Variants in DPF3 observed in about 807,000 individuals in gnomAD.
DPF3 encodes the protein double PHD fingers 3.
Under a neutral mutation model 56.8 loss-of-function variants are expected in DPF3, and 18 were observed. That is an observed-to-expected ratio of 0.32 (90% CI 0.22 to 0.47). The LOEUF (loss-of-function observed/expected upper bound fraction) is 0.47, where lower values mean the gene tolerates loss of function less well. Ranked by LOEUF, DPF3 falls within the 20% of genes least tolerant of loss-of-function variation. DPF3 has a pLI of 1.00. For synonymous variants in DPF3, 188 were observed against 180.2 expected (o/e 1.04, Z -0.35); for missense variants, 403 against 488.8 (o/e 0.82, Z 1.65).
Position 72,838,989 on chromosome 14 carries a change from C to T in DPF3, c.32+55068G>A, listed in dbSNP as rs539091436. On this transcript the variant is annotated intron_variant, in intron 1 of 10. Coordinates refer to ENST00000556509, the MANE Select transcript of DPF3 (RefSeq NM_001280542.3). ...AGGCTGGAGTTCAGTGGCATGATCT[C>T]GGCTCACTGCAAACTCTGCCTCCCG... Among the ~76,000 whole-genome samples the T allele has an allele frequency of 4.8e-4, 65 of 134,044 alleles. 1 individual carries two copies. The South Asian group carries it at 9.0e-3, about 18-fold the overall frequency. 87.9% of individuals were successfully genotyped at this position (134,044 alleles called of 152,430 possible). A position where few individuals can be genotyped will look rare whatever the true frequency, so the allele number is the denominator to read the frequency against.
intron 7 of DPF3, among the ~76,000 whole-genome samples, chr14:72,680,619 G>A (rs577079265): frequency 6.6e-6 from 1 of 152,394 alleles, no homozygotes; most frequent in Non-Finnish European, 1.5e-5. Flanking sequence ...GCTGAGGCCA[G>A]GGCTGCTGTC....
intron 1 of DPF3, among the ~76,000 whole-genome samples, chr14:72,824,718 C>G (rs1006264732): frequency 4.0e-5 from 6 of 151,898 alleles, no homozygotes; most frequent in Non-Finnish European, 8.8e-5. Flanking sequence ...ATTACAGGCA[C>G]CTGCCATCAC....
chr14:72,643,301 C>T (rs1374668219), intron 8 of DPF3, among the ~76,000 whole-genome samples: 2 of 152,228 alleles, frequency 1.3e-5, no homozygotes, highest in Non-Finnish European at 2.9e-5. Context: ...TCCATTTGCA[C>T]CACATAAGGG....
intron 1 of DPF3, among the ~76,000 whole-genome samples, chr14:72,791,893 A>C (rs1182763752): frequency 6.6e-6 from 1 of 152,144 alleles, no homozygotes; most frequent in Non-Finnish European, 1.5e-5. Flanking sequence ...AGGCCCACAG[A>C]CTCGAACCTA....
chr14:72,863,723 G>A (rs1338226207), intron 1 of DPF3, among the ~76,000 whole-genome samples: 1 of 152,138 alleles, frequency 6.6e-6, no homozygotes, highest in African/African-American at 2.4e-5. Context: ...GATAGCTAAG[G>A]CTCAATTCCT....
At chr14:72,854,786 A>G (rs923735484) in intron 1 of DPF3, among the ~76,000 whole-genome samples, 3 of 152,154 alleles carry the variant, frequency 2.0e-5, no homozygotes, top group African/African-American at 7.2e-5. Context: ...TCTAACAGTC[A>G]CAGAAGTTCT....
chr14:72,767,033 GC>G (rs1891316112), intron 2 of DPF3, among the ~76,000 whole-genome samples: 1 of 152,182 alleles, frequency 6.6e-6, no homozygotes, highest in South Asian at 2.1e-4. Context: ...CTAGTGGGGA[GC>G]CTGAACTCCC....
At chr14:72,764,484 GTTTTTTTTTTTTTTTTT>G in intron 2 of DPF3, among the ~76,000 whole-genome samples, 1 of 52,792 alleles carries the variant, frequency 1.9e-5, no homozygotes, top group African/African-American at 7.8e-5. Context: ...TTCCTGAGTT[GTTTTTTTTTTTTTTTTT>G]TTTTTTTTTT....
intron 8 of DPF3, among the ~76,000 whole-genome samples, chr14:72,642,406 G>A (rs2153567897): frequency 6.6e-6 from 1 of 152,360 alleles, no homozygotes; most frequent in East Asian, 1.9e-4. Flanking sequence ...GCCACAGTGA[G>A]GCCCAGCACT....
intron 2 of DPF3, among the ~76,000 whole-genome samples, chr14:72,754,638 A>G (rs1890715854): frequency 6.6e-6 from 1 of 152,212 alleles, no homozygotes; most frequent in African/African-American, 2.4e-5. Context: ...CCTGATTCCC[A>G]TCTGCCGTCT....
intron 1 of DPF3, among the ~76,000 whole-genome samples, chr14:72,873,581 C>A (rs934973049): frequency 8.5e-5 from 13 of 152,216 alleles, no homozygotes; most frequent in African/African-American, 2.9e-4. Context: ...GGGTATATAC[C>A]CAAAGGGTTA....
At chr14:72,836,765 T>TAAGCAGAACC (rs1213083950) in intron 1 of DPF3, among the ~76,000 whole-genome samples, 2 of 152,086 alleles carry the variant, frequency 1.3e-5, no homozygotes, top group Non-Finnish European at 2.9e-5. Flanking sequence ...CTCCTAGATT[T>TAAGCAGAACC]AAGCAGAACC....
chr14:72,629,967 C>A (rs1885074942), intron 8 of DPF3, among the ~76,000 whole-genome samples: 1 of 152,118 alleles, frequency 6.6e-6, no homozygotes, highest in Non-Finnish European at 1.5e-5. Flanking sequence ...TGCACTGAGA[C>A]CATATTCCCC....
chr14:72,867,244 G>T (rs1488533137), intron 1 of DPF3, among the ~76,000 whole-genome samples: 5 of 152,062 alleles, frequency 3.3e-5, no homozygotes, highest in Non-Finnish European at 7.4e-5. Context: ...AAAAAATGTT[G>T]AGCACATCTA....
intron 1 of DPF3, among the ~76,000 whole-genome samples, chr14:72,783,941 G>A (rs535112066): frequency 1.3e-5 from 2 of 152,284 alleles, no homozygotes; most frequent in South Asian, 4.1e-4. Context: ...GGGAACTGAA[G>A]GTCATCCGGA....
chr14:72,865,364 A>C (rs996449216), intron 1 of DPF3, among the ~76,000 whole-genome samples: 3 of 152,204 alleles, frequency 2.0e-5, no homozygotes, highest in Non-Finnish European at 4.4e-5. Flanking sequence ...AAATAAAACC[A>C]GGCCATGGGA....
At chr14:72,670,553 C>T (rs1283701125) in intron 8 of DPF3, 3 of 986,946 alleles carry the variant, frequency 3.0e-6, no homozygotes, top group East Asian at 1.1e-4. Flanking sequence ...CAGAATAGTG[C>T]AACCGTCTCC....
chr14:72,771,651 G>A (rs1860271633), intron 2 of DPF3, 82 bp downstream of exon 2: 25 of 1,514,748 alleles, frequency 1.7e-5, no homozygotes, highest in Middle Eastern at 2.5e-4. Flanking sequence ...CAGGCTGCCT[G>A]GTTTCCCAGA....
intron 1 of DPF3, among the ~76,000 whole-genome samples, chr14:72,824,889 C>CT (rs891296121): frequency 2.2e-4 from 33 of 150,074 alleles, no homozygotes; most frequent in Non-Finnish European, 3.7e-4. Context: ...TCCTATATGC[C>CT]TTTTTTTTTA....
Sources: gnomAD v4.1 joint callset for allele counts (sites outside exome capture counted in the v4.1 genomes callset) on GRCh38, gnomAD v4.1.1 for gene constraint, MANE v1.5 for transcripts, NCBI Gene and HGNC (gene_info 2026-07-23, HGNC 2026-07-21) for gene names.